Variants in ARHGAP8 observed in about 807,000 individuals in gnomAD.
ARHGAP8 encodes the protein rho GTPase-activating protein 8.
Under a neutral mutation model 46.1 loss-of-function variants are expected in ARHGAP8, and 62 were observed. The observed-to-expected ratio is 1.34, with a 90% confidence interval of 1.10 to 1.66. The LOEUF is 1.66. Among genes scored for constraint, ARHGAP8 ranks in the 40% most tolerant of loss-of-function variants. The pLI is 0.00. For missense variants in ARHGAP8, 923 were observed against 568.4 expected (o/e 1.62, Z -6.34); for synonymous variants, 375 against 243.1 (o/e 1.54, Z -5.05).
At chr22:44,790,999 C>T (rs1233391777) in intron 2 of ARHGAP8, among the ~76,000 whole-genome samples, 2 of 152,092 alleles carry the variant, frequency 1.3e-5, no homozygotes, top group Non-Finnish European at 2.9e-5. Flanking sequence ...TCCCAAAGTG[C>T]CAGGATTACA....
chr22:44,845,104 T>A (rs1019680363), intron 7 of ARHGAP8, among the ~76,000 whole-genome samples, 165 bp from the exon 8 acceptor site: 1 of 152,188 alleles, frequency 6.6e-6, no homozygotes, highest in Non-Finnish European at 1.5e-5. Context: ...TATTATTTGG[T>A]CTTCAGACTT....
At chr22:44,847,578 G>A (rs136681) in intron 8 of ARHGAP8, among the ~76,000 whole-genome samples, 28,453 of 152,216 alleles carry the variant, frequency 0.19, 3,221 homozygotes, top group Non-Finnish European at 0.26. Context: ...GTGTCTGGAC[G>A]TCTCCCAGGT....
chr22:44,779,273 G>A (rs547779772), intron 1 of ARHGAP8, among the ~76,000 whole-genome samples: 31 of 151,956 alleles, frequency 2.0e-4, no homozygotes, highest in South Asian at 1.5e-3. Context: ...GCTAATTTTT[G>A]TATTTTTAGT....
In ARHGAP8 at chr22:44,806,384, C is replaced by A. The variant is rs537666603; in HGVS notation, c.168-1923C>A. On this transcript the variant is annotated intron_variant, in intron 3 of 11. Coordinates refer to ENST00000356099, the MANE Select transcript of ARHGAP8 (RefSeq NM_181335.3). Reference sequence around the variant, plus strand: ...GTGTGAGGTCAGATGTGCGTGATTTCTCTACATCAAAGCAGACAACGGGAT... The same window carrying A: ...GTGTGAGGTCAGATGTGCGTGATTTATCTACATCAAAGCAGACAACGGGAT... Among the ~76,000 whole-genome samples the A allele has an allele frequency of 8.4e-4, 128 of 152,264 alleles. 1 individual carries two copies. Among genetic ancestry groups the A allele is most frequent in the Middle Eastern group, 3.4e-3 (1 of 294 alleles).
intron 2 of ARHGAP8, among the ~76,000 whole-genome samples, chr22:44,791,578 C>T (rs1174382104): frequency 6.6e-6 from 1 of 152,030 alleles, no homozygotes; most frequent in Non-Finnish European, 1.5e-5. Flanking sequence ...ATGGTGGGCA[C>T]CTGTAATCCC....
intron 4 of ARHGAP8, among the ~76,000 whole-genome samples, chr22:44,812,343 C>CTT (rs530097460): frequency 3.1e-4 from 42 of 134,280 alleles, no homozygotes; most frequent in Admixed American, 6.8e-4. Context: ...CTCTCAGAGC[C>CTT]TTTTTTTTTT....
chr22:44,803,313 A>G (rs9614941), intron 3 of ARHGAP8, among the ~76,000 whole-genome samples: 33 of 152,258 alleles, frequency 2.2e-4, no homozygotes, highest in Non-Finnish European at 3.2e-4. Flanking sequence ...TTAGTTTGCC[A>G]TACCAACAAG....
intron 11 of ARHGAP8, among the ~76,000 whole-genome samples, chr22:44,861,275 C>G (rs2070468779): frequency 6.6e-6 from 1 of 152,308 alleles, no homozygotes; most frequent in East Asian, 1.9e-4. Context: ...ACCCAGCCTA[C>G]TTCTTTTTCA....
At chr22:44,823,248 A>C (rs983386070) in intron 6 of ARHGAP8, among the ~76,000 whole-genome samples, 1 of 152,154 alleles carries the variant, frequency 6.6e-6, no homozygotes, top group African/African-American at 2.4e-5. Flanking sequence ...GCCACAAATC[A>C]GTGATGACAG....
intron 1 of ARHGAP8, among the ~76,000 whole-genome samples, chr22:44,776,525 G>C (rs1054666234): frequency 6.6e-6 from 1 of 152,122 alleles, no homozygotes; most frequent in African/African-American, 2.4e-5. Flanking sequence ...CTGTGGTGAG[G>C]CCTGTGGTAA....
intron 7 of ARHGAP8, among the ~76,000 whole-genome samples, chr22:44,840,679 G>A (rs1411157246): frequency 6.9e-6 from 1 of 145,688 alleles, no homozygotes; most frequent in African/African-American, 2.5e-5. Flanking sequence ...GCCTCTGTGT[G>A]GCCTGGTTGG....
chr22:44,845,119 C>A, intron 7 of ARHGAP8, 150 bp from the exon 8 acceptor site: 3 of 865,390 alleles, frequency 3.5e-6, no homozygotes, highest in Non-Finnish European at 3.5e-6. Context: ...AGACTTTCTA[C>A]TTCCTGAGGG....
rs540082595 is a variant in ARHGAP8 at position 44,822,319 on chromosome 22, C to T, written c.387-52C>T. 9 of 1,506,266 alleles carry T rather than the reference C, an allele frequency of 6.0e-6. No individual in the cohort carries two copies. In the African/African-American group the frequency reaches 1.2e-4, roughly 19 times the overall value. The allele number at this position is 1,506,266 out of a possible 1,614,324, so 93.3% of individuals were successfully genotyped here. On this transcript the variant is annotated intron_variant, in intron 5 of 11. Coordinates refer to ENST00000356099, the MANE Select transcript of ARHGAP8 (RefSeq NM_181335.3). ...CCCCCTCCCTCCCTGCAACCCTCGG[C>T]CTCTCTGCTGGCGCCTAATCGTTCT...
chr22:44,790,148 CTG>C (rs1927553209), intron 2 of ARHGAP8, among the ~76,000 whole-genome samples: 1 of 152,066 alleles, frequency 6.6e-6, no homozygotes, highest in South Asian at 2.1e-4. Context: ...TTAGAAGTCT[CTG>C]GGGTTGGAGA....
Position 44,859,727 on chromosome 22 carries a change from C to T in ARHGAP8, c.878-4C>T. 1 of 1,613,346 alleles carries T rather than the reference C, an allele frequency of 6.2e-7. No individual in the cohort carries two copies. The highest frequency in any genetic ancestry group is 8.5e-7 in the Non-Finnish European group (1 of 1,180,006). ...GCTCAGCAGGGAGCCCCATGCCCTTCCAGGTGTGGAGAGCAGCCTGCGTGT... is the reference window on the plus strand; with the variant it reads ...GCTCAGCAGGGAGCCCCATGCCCTTTCAGGTGTGGAGAGCAGCCTGCGTGT... On this transcript the variant is annotated splice_polypyrimidine_tract_variant and splice_region_variant and intron_variant, in intron 10 of 11. Coordinates refer to ENST00000356099, the MANE Select transcript of ARHGAP8 (RefSeq NM_181335.3).
chr22:44,827,336 G>GTTTTTTTTTTTTTTTTTTTTTTTT (rs796490147), intron 7 of ARHGAP8, among the ~76,000 whole-genome samples: 2 of 67,258 alleles, frequency 3.0e-5, no homozygotes, highest in Non-Finnish European at 5.1e-5. Flanking sequence ...TTGGGTGGTG[G>GTTTTTTTTTTTTTTTTTTTTTTTT]TTTTTTTTTT....
chr22:44,836,631 G>A (rs1931306802), intron 7 of ARHGAP8, among the ~76,000 whole-genome samples: 1 of 151,412 alleles, frequency 6.6e-6, no homozygotes, highest in Non-Finnish European at 1.5e-5. Context: ...TGGGCATCCA[G>A]GACCTCCCTG....
At chr22:44,819,057 T>C (rs949574549) in intron 5 of ARHGAP8, among the ~76,000 whole-genome samples, 2 of 151,896 alleles carry the variant, frequency 1.3e-5, no homozygotes, top group African/African-American at 4.8e-5. Context: ...GTTTTTTGTT[T>C]GTTGTTGTTT....
At chr22:44,834,567 AGT>A (rs745697587) in intron 7 of ARHGAP8, among the ~76,000 whole-genome samples, 6 of 152,162 alleles carry the variant, frequency 3.9e-5, no homozygotes, top group East Asian at 1.9e-4. Context: ...ACATGAGAAG[AGT>A]GTACATTCTA....
Sources: allele counts gnomAD v4.1 joint callset (sites outside exome capture counted in the v4.1 genomes callset), GRCh38; gene constraint gnomAD v4.1.1; transcripts MANE v1.5; gene names NCBI Gene and HGNC (gene_info 2026-07-23, HGNC 2026-07-21).